The following PTK2B variants were observed in gnomAD, a reference collection of about 807,000 sequenced individuals.
The protein encoded by PTK2B is protein-tyrosine kinase 2-beta.
PTK2B carries 71 observed loss-of-function variants against 142.9 expected under a neutral mutation model. The ratio of observed to expected loss-of-function variants is 0.50; its 90% CI spans 0.41 to 0.61. PTK2B has a LOEUF of 0.61. Among genes scored for constraint, PTK2B ranks in the 20% least tolerant of loss-of-function variants. The pLI is 0.00. For synonymous variants in PTK2B, 519 were observed against 503.4 expected, an observed-to-expected ratio of 1.03 and a Z score of -0.42; for missense variants, 1,105 against 1,320.4, an observed-to-expected ratio of 0.84 and a Z score of 2.53.
intron 1 of PTK2B, among the ~76,000 whole-genome samples, chr8:27,333,783 A>G (rs1166858643): frequency 6.6e-6 from 1 of 151,914 alleles, no homozygotes; most frequent in East Asian, 1.9e-4. Context: ...AGGAATATGC[A>G]CTTAGATCCA....
chr8:27,426,979 G>T (rs947784739), intron 5 of PTK2B, among the ~76,000 whole-genome samples: 1 of 151,988 alleles, frequency 6.6e-6, no homozygotes, highest in Non-Finnish European at 1.5e-5. Flanking sequence ...CACAAGTCTC[G>T]AAGTTCATTT....
intron 2 of PTK2B, among the ~76,000 whole-genome samples, chr8:27,401,885 GTGATGGTGATGA>G (rs913096886): frequency 2.0e-5 from 3 of 152,098 alleles, no homozygotes; most frequent in Admixed American, 6.5e-5. Context: ...GATAGTGATG[GTGATGGTGATGA>G]TGATGGTGAT....
At chr8:27,315,789 G>A (rs972960654) in intron 3 of PTK2B, among the ~76,000 whole-genome samples, 21 of 152,164 alleles carry the variant, frequency 1.4e-4, no homozygotes, top group Admixed American at 7.2e-4. Context: ...TCTAGTCCAA[G>A]CTCTACCACT....
intron 1 of PTK2B, among the ~76,000 whole-genome samples, chr8:27,336,314 C>T (rs1375377871): frequency 6.6e-6 from 1 of 152,182 alleles, no homozygotes; most frequent in Non-Finnish European, 1.5e-5. Flanking sequence ...TATTATCATC[C>T]GTTCTACAAA....
At chr8:27,409,555 CAT>C (rs1462717327) in intron 2 of PTK2B, among the ~76,000 whole-genome samples, 5 of 152,088 alleles carry the variant, frequency 3.3e-5, no homozygotes, top group Non-Finnish European at 5.9e-5. Flanking sequence ...CTGGAAAGAA[CAT>C]GTGGGAAAAA....
At chr8:27,385,786 G>A (rs1053460306) in intron 1 of PTK2B, among the ~76,000 whole-genome samples, 2 of 151,724 alleles carry the variant, frequency 1.3e-5, no homozygotes, top group African/African-American at 2.4e-5. Context: ...CCAGCTACTC[G>A]GGAGGCTGAG....
intron 1 of PTK2B, among the ~76,000 whole-genome samples, chr8:27,361,824 A>G (rs1419649715): frequency 2.0e-5 from 3 of 152,012 alleles, no homozygotes; most frequent in Admixed American, 6.5e-5. Flanking sequence ...TGTGAAGTCT[A>G]TCCGCCCCCC....
chr8:27,393,871 A>AG (rs1157778216), intron 1 of PTK2B, among the ~76,000 whole-genome samples: 3 of 152,068 alleles, frequency 2.0e-5, no homozygotes, highest in African/African-American at 7.2e-5. Flanking sequence ...CAGGGGCCTC[A>AG]GGGCCATAGG....
intron 1 of PTK2B, among the ~76,000 whole-genome samples, chr8:27,344,002 CA>C (rs1469929910): frequency 1.3e-5 from 2 of 151,300 alleles, no homozygotes; most frequent in African/African-American, 2.4e-5. Flanking sequence ...GAATCCGTCT[CA>C]AAAAAATAAA....
chr8:27,424,882 A>T (rs1424354635), intron 5 of PTK2B, among the ~76,000 whole-genome samples: 1 of 147,114 alleles, frequency 6.8e-6, no homozygotes, highest in African/African-American at 2.5e-5. Context: ...AAAAAAAAAA[A>T]TTGTATCATT....
intron 2 of PTK2B, among the ~76,000 whole-genome samples, chr8:27,402,994 TGCCTGTGTGGG>T (rs1808471444): frequency 6.6e-6 from 1 of 152,236 alleles, no homozygotes; most frequent in East Asian, 1.9e-4. Context: ...TGCTGTGTAG[TGCCTGTGTGGG>T]GATGCAGTGT....
At chr8:27,422,795 C>G (rs541912702) in intron 5 of PTK2B, among the ~76,000 whole-genome samples, 1 of 152,298 alleles carries the variant, frequency 6.6e-6, no homozygotes, top group East Asian at 1.9e-4. Flanking sequence ...GGCACTTGAT[C>G]AATATGTGTG....
chr8:27,390,909 G>A (rs1257092998), intron 1 of PTK2B, among the ~76,000 whole-genome samples: 1 of 152,120 alleles, frequency 6.6e-6, no homozygotes, highest in Non-Finnish European at 1.5e-5. Context: ...ACTCAAGGCT[G>A]CCATGTTGTC....
At chr8:27,394,820 A>G (rs1807941998) in intron 1 of PTK2B, among the ~76,000 whole-genome samples, 1 of 152,116 alleles carries the variant, frequency 6.6e-6, no homozygotes, top group Non-Finnish European at 1.5e-5. Context: ...CCATTTCTAA[A>G]GATTTTTATT....
intron 30 of PTK2B, among the ~76,000 whole-genome samples, chr8:27,457,868 G>C (rs931087131): frequency 6.6e-6 from 1 of 151,846 alleles, no homozygotes; most frequent in Non-Finnish European, 1.5e-5. Context: ...CCAGCTACTC[G>C]GGAGGCTGAG....
At chr8:27,322,292 T>G (rs906003771), upstream of PTK2B, 2 of 152,256 alleles carry the variant, frequency 1.3e-5, no homozygotes, top group African/African-American at 4.8e-5. Context: ...GAGATGCCAG[T>G]TACATAATGT....
intron 1 of PTK2B, among the ~76,000 whole-genome samples, chr8:27,351,027 A>G (rs1361415870): frequency 1.1e-5 from 1 of 89,792 alleles, no homozygotes; most frequent in Non-Finnish European, 2.1e-5. Flanking sequence ...ATATATATAT[A>G]TATATATATA....
intron 1 of PTK2B, among the ~76,000 whole-genome samples, chr8:27,369,338 C>T (rs976450471): frequency 7.9e-5 from 12 of 152,118 alleles, no homozygotes; most frequent in African/African-American, 2.9e-4. Flanking sequence ...TTTCTATCTG[C>T]AAAGAACCCA....
At chr8:27,345,896 G>A (rs534124573) in intron 1 of PTK2B, among the ~76,000 whole-genome samples, 1 of 152,290 alleles carries the variant, frequency 6.6e-6, no homozygotes, top group South Asian at 2.1e-4. Context: ...GGGCCATGGT[G>A]AGGAACTTAG....
Sources: allele counts gnomAD v4.1 joint callset (sites outside exome capture counted in the v4.1 genomes callset), GRCh38; gene constraint gnomAD v4.1.1; transcripts MANE v1.5; gene names NCBI Gene and HGNC (gene_info 2026-07-23, HGNC 2026-07-21).